Variants in NFE2L1 observed in about 807,000 individuals in gnomAD.
The protein encoded by NFE2L1 is NFE2 like bZIP transcription factor 1.
In NFE2L1, 18 loss-of-function variants were observed where a neutral mutation model predicts 61.6. The ratio of observed to expected loss-of-function variants is 0.29; its 90% CI spans 0.20 to 0.43. The LOEUF (loss-of-function observed/expected upper bound fraction) is 0.43. Ranked by LOEUF, NFE2L1 falls within the 20% of genes least tolerant of loss-of-function variation. The probability of loss-of-function intolerance (pLI) is 1.00; values close to 1 mark genes in which losing one functional copy is unlikely to be tolerated. For synonymous variants in NFE2L1, 419 were observed against 402.7 expected (o/e 1.04, Z -0.48); for missense variants, 827 against 973.5 (o/e 0.85, Z 2.00).
chr17:48,056,439 G>T lies in NFE2L1; in HGVS notation c.564G>T (p.Gly188=), dbSNP rs751991522. 1 of 1,614,216 alleles carries T rather than the reference G, an allele frequency of 6.2e-7. No homozygotes were observed. Among genetic ancestry groups the T allele is most frequent in the Non-Finnish European group, 8.5e-7 (1 of 1,180,026 alleles). ...GACAGGATATTGATCTGGGGGCTGGGCGTGAGGTTTTTGACTATAGTCACC... is the reference window on the plus strand; with the variant it reads ...GACAGGATATTGATCTGGGGGCTGGTCGTGAGGTTTTTGACTATAGTCACC... The part of the protein sequence containing the change: ...LWRQDIDLGA[G]REVFDYSHRQ... The change falls in exon 3 of 6, where the codon GGG becomes GGT. Residue 188 remains glycine (G), a synonymous_variant. Coordinates refer to ENST00000362042, the MANE Select transcript of NFE2L1 (RefSeq NM_003204.3).
In NFE2L1 at chr17:48,059,798, C is replaced by T; in HGVS notation, c.*157C>T. On this transcript the variant is annotated 3_prime_UTR_variant, in exon 6 of 6. Transcript: ENST00000362042. The surrounding 1 kb of genome is among the most constrained non-coding windows in gnomAD (Gnocchi z 6.1). ...CTGCGGGTCAGTGTACAGGAAGAGG[C>T]AGGCACTGGCTGGCTCAGCTCCACT... 8.7e-7 allele frequency: 1 copy of T among 1,152,394 alleles called. No individual in the cohort carries two copies. The highest frequency in any genetic ancestry group is 1.2e-6 in the Non-Finnish European group (1 of 848,322). The allele number at this position is 1,152,394 out of a possible 1,614,324, so 71.4% of individuals were successfully genotyped here.
At chr17:48,054,514 T>G (rs1598285070) in intron 2 of NFE2L1, 43 of 865,572 alleles carry the variant, frequency 5.0e-5, no homozygotes, top group Non-Finnish European at 5.6e-5. Context: ...GTAACGACAG[T>G]GGGAGGGGAT....
rs2037430044 is a variant in NFE2L1, at chr17:48,057,385, T to C, written c.855T>C (p.Ser285=). Residue 285 remains serine, a synonymous_variant, in exon 5 of 6, where the codon AGT becomes AGC. Transcript: ENST00000362042. ...DISSITEAVP[S]ESEPPALQNN... The stretch of plus-strand genomic sequence containing the variant: ...CCAGCATAACAGAAGCAGTGCCTAG[T>C]GAGAGTGAGCCCCCTGCTCTTCAAA... The C allele has an allele frequency of 4.3e-6, 7 of 1,614,054 alleles. No individual in the cohort carries two copies. Among genetic ancestry groups the C allele is most frequent in the Admixed American group, 1.7e-5 (1 of 59,998 alleles).
In NFE2L1 at chr17:48,051,024, G is replaced by T; in HGVS notation, c.-95G>T. 6.6e-7 allele frequency: 1 copy of T among 1,507,074 alleles called. No homozygotes were observed. Among genetic ancestry groups the T allele is most frequent in the East Asian group, 2.3e-5 (1 of 44,056 alleles). The allele number at this position is 1,507,074 out of a possible 1,614,324, so 93.4% of individuals were successfully genotyped here. A position where few individuals can be genotyped will look rare whatever the true frequency, so the allele number is the denominator to read the frequency against. On this transcript the variant is annotated 5_prime_UTR_variant, in exon 2 of 6. Transcript: ENST00000362042. ...GGTACGGGGTTTGACACTGAGGAGG[G>T]TAACCTGCTGGCTGGAGCGGCAGAG... is the stretch of plus-strand genomic sequence containing the variant.
intron 1 of NFE2L1, among the ~76,000 whole-genome samples, chr17:48,049,672 C>T (rs1250629478): frequency 1.3e-5 from 2 of 152,236 alleles, no homozygotes; most frequent in Non-Finnish European, 2.9e-5. Context: ...GGATTACAGG[C>T]GTCGGCCCTT....
Position 48,057,111 on chromosome 17 carries a change from A to C in NFE2L1, c.803A>C (p.Glu268Ala), listed in dbSNP as rs775470570. Residue 268 changes from glutamate to alanine, a missense_variant, in exon 4 of 6, where the codon GAG becomes GCG. Glu to Ala is a moderately radical substitution (Grantham distance 107). Transcript: ENST00000362042. Reference protein sequence around the residue: ...RLLEATCPFGENAEFPADISS... With the variant: ...RLLEATCPFGANAEFPADISS... Reference sequence around the variant, plus strand: ...CTGGAAGCCACCTGCCCCTTTGGGGAGAATGCTGAGGTGAGCAGGACTCCA... The same window carrying C: ...CTGGAAGCCACCTGCCCCTTTGGGGCGAATGCTGAGGTGAGCAGGACTCCA... 6.2e-7 allele frequency: 1 copy of C among 1,613,232 alleles called. No homozygotes were observed. Among genetic ancestry groups the C allele is most frequent in the South Asian group, 1.1e-5 (1 of 90,982 alleles).
chr17:48,057,526 A>G, intron 5 of NFE2L1, 24 bp downstream of exon 5: 1 of 1,603,606 alleles, frequency 6.2e-7, no homozygotes, highest in East Asian at 2.2e-5. Context: ...AACCGGGCAC[A>G]AACCTATTGG....
At position 48,051,592 on chromosome 17, in the gene NFE2L1, T is replaced by C. The variant is rs765640419; in HGVS notation, c.474T>C (p.Ala158=). Residue 158 remains alanine (A), a synonymous_variant, in exon 2 of 6, where the codon GCT becomes GCC. Transcript: ENST00000362042. Reference sequence around the variant, plus strand: ...GTGAAGATTTGGAGGATTTGGGGGCTGTAGCCCCCCCAGTCAGTGGAGACT... The same window carrying C: ...GTGAAGATTTGGAGGATTTGGGGGCCGTAGCCCCCCCAGTCAGTGGAGACT... ...GFGEDLEDLG[A]VAPPVSGDLT... The C allele has an allele frequency of 3.7e-6, 6 of 1,613,934 alleles. No homozygotes were observed. In the African/African-American group the frequency reaches 8.0e-5, roughly 22 times the overall value.
At chr17:48,055,449 C>A (rs1223240019) in intron 2 of NFE2L1, among the ~76,000 whole-genome samples, 2 of 152,046 alleles carry the variant, frequency 1.3e-5, no homozygotes, top group African/African-American at 2.4e-5. Flanking sequence ...AGCAACTGTT[C>A]ACGAGCCACC....
chr17:48,055,291 C>A, intron 2 of NFE2L1: 1 of 1,011,592 alleles, frequency 9.9e-7, no homozygotes, highest in Non-Finnish European at 1.3e-6. Context: ...TGTATGTCTG[C>A]ATTTTAACCC....
chr17:48,048,711 G>T (rs2037154967), intron 1 of NFE2L1: 1 of 152,026 alleles, frequency 6.6e-6, no homozygotes, highest in Non-Finnish European at 1.5e-5. Flanking sequence ...GGACTTGGGA[G>T]TGGGGTGGGG....
chr17:48,052,726 G>A (rs1598282411), intron 2 of NFE2L1, among the ~76,000 whole-genome samples: 5 of 152,124 alleles, frequency 3.3e-5, no homozygotes, highest in Admixed American at 2.6e-4. Flanking sequence ...TGGCAATATC[G>A]TGAAACAGTT....
In NFE2L1 at chr17:48,057,312, C is replaced by T. The variant is rs201389828; in HGVS notation, c.814-32C>T. On this transcript the variant is annotated intron_variant, in intron 4 of 5. Coordinates refer to ENST00000362042, the MANE Select transcript of NFE2L1 (RefSeq NM_003204.3). ...GAGGAAAGCACAAGGTTTTTCCTTC[C>T]CCCTTGTTAAAGCCTCTGTGTTTTG... 5.9e-4 allele frequency: 949 copies of T among 1,604,622 alleles called. 2 individuals carry two copies. The highest frequency in any genetic ancestry group is 6.3e-4 in the Non-Finnish European group (744 of 1,175,844).
Position 48,058,383 on chromosome 17 carries a change from A to C in NFE2L1, c.1061A>C (p.Asn354Thr), listed in dbSNP as rs141161526. 3.1e-6 allele frequency: 5 copies of C among 1,613,916 alleles called. No homozygotes were observed. In the African/African-American group the frequency reaches 6.7e-5, roughly 22 times the overall value. ...PLSTNYSLAP[N>T]TPINQNVSLH... ...AGCACCAACTACAGCCTTGCCCCCA[A>C]CACTCCCATCAATCAGAATGTCAGC... Residue 354 changes from asparagine (N) to threonine (T), a missense_variant, in exon 6 of 6, where the codon AAC (asparagine) becomes ACC (threonine). Physicochemically the swap from Asn to Thr is moderately conservative, Grantham distance 65. Transcript: ENST00000362042.
intron 3 of NFE2L1, 44 bp downstream of exon 3, chr17:48,056,642 A>G (rs376461671): frequency 4.4e-6 from 7 of 1,596,248 alleles, no homozygotes; most frequent in Non-Finnish European, 6.0e-6. Flanking sequence ...TGTCCCTACT[A>G]CCCTGACACA....
intron 2 of NFE2L1, chr17:48,054,387 C>T: frequency 4.5e-6 from 1 of 221,396 alleles, no homozygotes. Flanking sequence ...TCCAGCTGCC[C>T]TGATGCAGAG....
chr17:48,055,201 CA>C (rs768549220), intron 2 of NFE2L1: 93 of 1,287,746 alleles, frequency 7.2e-5, no homozygotes, highest in South Asian at 2.5e-4. Flanking sequence ...GTCTTAGGGT[CA>C]GGGGGGGTTA....
chr17:48,052,472 A>G (rs2037278860), intron 2 of NFE2L1, among the ~76,000 whole-genome samples: 1 of 152,206 alleles, frequency 6.6e-6, no homozygotes, highest in Non-Finnish European at 1.5e-5. Context: ...TCCCCTGGCC[A>G]TTAGGGAAGG....
rs753038036 is a variant in NFE2L1 at position 48,058,491 on chromosome 17, G to A, written c.1169G>A (p.Ser390Asn). The A allele has an allele frequency of 6.2e-7, 1 of 1,612,956 alleles. No homozygotes were observed. Among genetic ancestry groups the A allele is most frequent in the Non-Finnish European group, 8.5e-7 (1 of 1,179,410 alleles). The change falls in exon 6 of 6, where the codon AGC becomes AAC. Residue 390 changes from serine to asparagine, a missense_variant. Physicochemically the swap from Ser to Asn is conservative, Grantham distance 46. Around this residue, in one of 3 missense-constraint regions of NFE2L1, gnomAD observed 667 missense variants for 748.4 expected, o/e 0.89. Coordinates refer to ENST00000362042, the MANE Select transcript of NFE2L1 (RefSeq NM_003204.3). The stretch of plus-strand genomic sequence containing the variant: ...GTGGAAAGCCTGCCTGTGGCCAGTA[G>A]CTCCACGCTGCTCCCGTTGGCCCCC... ...PEVESLPVAS[S>N]STLLPLAPSN...
Sources: allele counts gnomAD v4.1 joint callset (sites outside exome capture counted in the v4.1 genomes callset), GRCh38; gene constraint gnomAD v4.1.1; regional missense constraint gnomAD v4.1.1; non-coding constraint Gnocchi (gnomAD v3.1); transcripts MANE v1.5; gene names NCBI Gene and HGNC (gene_info 2026-07-23, HGNC 2026-07-21).